Variants in VPS37A observed in about 807,000 individuals in gnomAD.
The protein encoded by VPS37A is vacuolar protein sorting-associated protein 37A.
Under a neutral mutation model 49.8 loss-of-function variants are expected in VPS37A, and 30 were observed. The ratio of observed to expected loss-of-function variants is 0.60; its 90% confidence interval spans 0.45 to 0.82. VPS37A has a LOEUF of 0.82. VPS37A is among the 40% of genes least tolerant of loss of function. The pLI is 0.00. For synonymous variants in VPS37A, 195 were observed against 160.6 expected, an observed-to-expected ratio of 1.21 and a Z score of -1.62; for missense variants, 593 against 464.4, an observed-to-expected ratio of 1.28 and a Z score of -2.55.
At chr8:17,284,421 G>A in intron 9 of VPS37A, 52 bp from the exon 10 acceptor site, 1 of 1,520,712 alleles carries the variant, frequency 6.6e-7, no homozygotes, top group African/African-American at 1.4e-5. Flanking sequence ...TTCCCTGTGA[G>A]GAGTTCTTGT....
chr8:17,247,415 G>C (rs1177512376), intron 1 of VPS37A, 46 bp downstream of exon 1: 2 of 1,479,260 alleles, frequency 1.4e-6, no homozygotes, highest in Non-Finnish European at 1.8e-6. Flanking sequence ...TAGGGTGGGA[G>C]GGCGGGCTTG....
At chr8:17,300,860 G>A (rs1817064345), downstream of VPS37A, among the ~76,000 whole-genome samples, 1 of 152,186 alleles carries the variant, frequency 6.6e-6, no homozygotes, top group Non-Finnish European at 1.5e-5. Flanking sequence ...TAAATTGAAT[G>A]GAATCATACA....
intron 5 of VPS37A, among the ~76,000 whole-genome samples, 172 bp downstream of exon 5, chr8:17,275,130 A>G (rs1305486552): frequency 6.6e-6 from 1 of 152,218 alleles, no homozygotes; most frequent in East Asian, 1.9e-4. Context: ...AATTTTAAAT[A>G]TGGAGCTTCT....
intron 1 of VPS37A, among the ~76,000 whole-genome samples, chr8:17,254,935 T>G (rs1812303269): frequency 6.6e-6 from 1 of 152,196 alleles, no homozygotes; most frequent in Non-Finnish European, 1.5e-5. Flanking sequence ...AATCTTTTAT[T>G]TGCAAGATTC....
chr8:17,299,861 T>C (rs1157999558), downstream of VPS37A: 2 of 1,613,824 alleles, frequency 1.2e-6, no homozygotes, highest in Non-Finnish European at 1.7e-6. Context: ...AAAGGGAAAC[T>C]TCAGGCAGTG....
rs1386449948 is a variant in VPS37A at position 17,280,110 on chromosome 8, A to G, written c.796A>G (p.Ile266Val). The G allele has an allele frequency of 1.2e-6, 2 of 1,612,720 alleles. No individual in the cohort carries two copies. The highest frequency in any genetic ancestry group is 1.7e-6 in the Non-Finnish European group (2 of 1,179,344). The change falls in exon 7 of 12, where the codon ATT becomes GTT. Residue 266 changes from isoleucine to valine, a missense_variant. Ile to Val is a conservative substitution (Grantham distance 29). Coordinates refer to ENST00000324849, the MANE Select transcript of VPS37A (RefSeq NM_152415.3). ...GACTTTGCCTCAACTAAAACAAATT[A>G]TTACCGACAAAGATGACTTAGTAAA... is the stretch of plus-strand genomic sequence containing the variant. ...FLTLPQLKQI[I>V]TDKDDLVKSI...
intron 1 of VPS37A, among the ~76,000 whole-genome samples, chr8:17,251,145 ATTGT>A (rs1811937934): frequency 6.6e-6 from 1 of 152,046 alleles, no homozygotes; most frequent in African/African-American, 2.4e-5. Context: ...GTGAATAAGG[ATTGT>A]TTATGCCAGT....
At chr8:17,291,494 G>GGTTATTTCA (rs1816151666) in intron 11 of VPS37A, among the ~76,000 whole-genome samples, 1 of 141,036 alleles carries the variant, frequency 7.1e-6, no homozygotes. Context: ...CTCTGATCTT[G>GGTTATTTCA]GTTATTTCTT....
intron 11 of VPS37A, among the ~76,000 whole-genome samples, chr8:17,291,042 C>G (rs1037818968): frequency 2.0e-5 from 3 of 152,100 alleles, no homozygotes; most frequent in African/African-American, 7.2e-5. Flanking sequence ...GTGATGGACT[C>G]TCATTCTGTT....
intron 11 of VPS37A, among the ~76,000 whole-genome samples, chr8:17,293,994 G>A (rs796244822): frequency 1.3e-5 from 2 of 152,214 alleles, no homozygotes; most frequent in South Asian, 2.1e-4. Flanking sequence ...TGGGTGATCC[G>A]CTGCTCTCTT....
intron 9 of VPS37A, among the ~76,000 whole-genome samples, chr8:17,283,234 C>T (rs941763706): frequency 5.9e-5 from 9 of 152,080 alleles, no homozygotes; most frequent in African/African-American, 2.2e-4. Context: ...CAGCTCACTG[C>T]AGCCTTGACC....
intron 1 of VPS37A, among the ~76,000 whole-genome samples, chr8:17,248,823 A>G (rs1811711606): frequency 6.6e-6 from 1 of 152,182 alleles, no homozygotes; most frequent in South Asian, 2.1e-4. Context: ...TATGCTGTTT[A>G]ACAGAAAAGA....
the VPS37A span, among the ~76,000 whole-genome samples, chr8:17,319,094 C>G: frequency 2.9e-4 from 44 of 152,272 alleles, no homozygotes; most frequent in African/African-American, 1.1e-3. Context: ...CTGAACCATA[C>G]GTCTGAGTAA....
At chr8:17,268,747 A>C (rs1813705480) in intron 3 of VPS37A, 109 bp from the exon 4 acceptor site, 2 of 751,608 alleles carry the variant, frequency 2.7e-6, no homozygotes, top group Non-Finnish European at 2.2e-6. Context: ...TTTTTCATTT[A>C]ATTCTTGACC....
chr8:17,316,427 G>C, the VPS37A span, among the ~76,000 whole-genome samples: 3 of 149,944 alleles, frequency 2.0e-5, no homozygotes, highest in East Asian at 5.9e-4. Context: ...ACTGTTGACA[G>C]TTGTTCCCTC....
chr8:17,313,088 C>T, the VPS37A span, among the ~76,000 whole-genome samples: 1 of 152,344 alleles, frequency 6.6e-6, no homozygotes, highest in Non-Finnish European at 1.5e-5. Context: ...CATTTGATCA[C>T]AGTGCTGACA....
intron 1 of VPS37A, among the ~76,000 whole-genome samples, chr8:17,262,497 A>G (rs750622553): frequency 2.3e-4 from 35 of 152,170 alleles, no homozygotes; most frequent in Admixed American, 4.6e-4. Context: ...TCCCAGAGAA[A>G]CTAGAAAATG....
chr8:17,254,110 AT>A (rs201456541), intron 1 of VPS37A, among the ~76,000 whole-genome samples: 1 of 151,204 alleles, frequency 6.6e-6, no homozygotes, highest in African/African-American at 2.4e-5. Flanking sequence ...AGTTTGCGTG[AT>A]TTTTTTTTAT....
the VPS37A span, among the ~76,000 whole-genome samples, chr8:17,318,996 A>G: frequency 6.6e-6 from 1 of 152,240 alleles, no homozygotes; most frequent in Non-Finnish European, 1.5e-5. Context: ...AATGTTTTTA[A>G]CAGCAGGGAT....
Sources: gnomAD v4.1 joint callset for allele counts (sites outside exome capture counted in the v4.1 genomes callset) on GRCh38, gnomAD v4.1.1 for gene constraint, MANE v1.5 for transcripts, NCBI Gene and HGNC (gene_info 2026-07-23, HGNC 2026-07-21) for gene names.